MAST4: variants seen among roughly 807,000 people sequenced by gnomAD.
MAST4 encodes the protein microtubule associated serine/threonine kinase family member 4.
MAST4 carries 89 observed loss-of-function variants against 162.7 expected under a neutral mutation model. The observed-to-expected ratio is 0.55, with a 90% CI of 0.46 to 0.65. The LOEUF is 0.65. Ranked by LOEUF, MAST4 falls within the 30% of genes least tolerant of loss-of-function variation. The pLI, the probability that MAST4 is intolerant of heterozygous loss-of-function variation, is 0.00. For missense variants in MAST4, 3,153 were observed against 3,374.0 expected (o/e 0.93, Z 1.62); for synonymous variants, 1,479 against 1,361.1 (o/e 1.09, Z -1.91).
chr5:66,754,542 C>T (rs576443914), intron 1 of MAST4, among the ~76,000 whole-genome samples: 44 of 152,134 alleles, frequency 2.9e-4, no homozygotes, highest in African/African-American at 9.4e-4. Flanking sequence ...CATGTGTTTT[C>T]TATTTTTTTC....
At chr5:66,783,175 A>G (rs1754956323) in intron 2 of MAST4, among the ~76,000 whole-genome samples, 1 of 152,214 alleles carries the variant, frequency 6.6e-6, no homozygotes. Flanking sequence ...TAGGCATTTC[A>G]TTGTATATGT....
chr5:67,019,274 G>T (rs186219161), intron 4 of MAST4, among the ~76,000 whole-genome samples: 33 of 152,310 alleles, frequency 2.2e-4, no homozygotes, highest in Non-Finnish European at 1.0e-4. Flanking sequence ...GTCCACAGCC[G>T]GCTTCCTGGT....
intron 4 of MAST4, among the ~76,000 whole-genome samples, chr5:66,907,179 G>A (rs1489669925): frequency 6.9e-6 from 1 of 144,462 alleles, no homozygotes; most frequent in African/African-American, 2.7e-5. Context: ...GAGAGAGAGA[G>A]AGAGAGAGAG....
At chr5:66,824,810 G>A (rs1757164188) in intron 3 of MAST4, among the ~76,000 whole-genome samples, 1 of 152,158 alleles carries the variant, frequency 6.6e-6, no homozygotes, top group Admixed American at 6.5e-5. Flanking sequence ...GTAGTCATTT[G>A]CAACACAATG....
In MAST4 at chr5:67,090,232, G is replaced by A; in HGVS notation, c.833+1G>A. On this transcript the variant is annotated splice_donor_variant, in intron 6 of 28. Transcript: ENST00000403625. LOFTEE classifies it high-confidence loss of function. ...CAGCCCATTTTTCATTTGCACGGAG[G>A]TAAGGACTTTTTGTGAGTGGAGGCA... The A allele has an allele frequency of 1.2e-6, 2 of 1,610,922 alleles. No individual in the cohort carries two copies. The highest frequency in any genetic ancestry group is 1.7e-6 in the Non-Finnish European group (2 of 1,177,852).
At chr5:66,622,502 T>C (rs944198624) in intron 1 of MAST4, among the ~76,000 whole-genome samples, 3 of 152,016 alleles carry the variant, frequency 2.0e-5, no homozygotes, top group Non-Finnish European at 2.9e-5. Flanking sequence ...GATCTAATTT[T>C]TAACAGGCTC....
Position 66,824,251 on chromosome 5 carries a change from G to C in MAST4, c.642+35457G>C, listed in dbSNP as rs62361305. Among the ~76,000 whole-genome samples the C allele has an allele frequency of 3.6e-3, 553 of 152,294 alleles. 4 individuals are homozygous for C. The highest frequency in any genetic ancestry group is 6.7e-3 in the Admixed American group (102 of 15,294). On this transcript the variant is annotated intron_variant, in intron 3 of 28. Coordinates refer to ENST00000403625, the MANE Select transcript of MAST4 (RefSeq NM_001164664.2). ...GAGAGATCCCACCCCAGATTGTACT[G>C]ATGGTATTGGAAATCACATTCCTAG...
At chr5:66,713,240 G>A (rs1474362782) in intron 1 of MAST4, among the ~76,000 whole-genome samples, 2 of 152,156 alleles carry the variant, frequency 1.3e-5, no homozygotes, top group Admixed American at 6.5e-5. Context: ...GGGGCACACA[G>A]CCCACCTGGA....
chr5:67,151,645 T>C (rs954990888), intron 24 of MAST4, among the ~76,000 whole-genome samples: 7 of 152,284 alleles, frequency 4.6e-5, no homozygotes, highest in Admixed American at 6.5e-5. Flanking sequence ...TTATTAGAAT[T>C]GCAAGTAATA....
rs56370883 is a variant in MAST4, at chr5:67,166,020, C to T, written c.6841C>T (p.Pro2281Ser). The part of the protein sequence containing the change: ...PSVPLHTDRA[P>S]LDAKPQPTSG... ...TGTCCCACTGCACACTGACAGGGCT[C>T]CTCTAGACGCCAAGCCACAACCCAC... Residue 2281 changes from proline (P) to serine (S), a missense_variant, in exon 29 of 29, where the codon CCT (proline) becomes TCT (serine). Coordinates refer to ENST00000403625, the MANE Select transcript of MAST4 (RefSeq NM_001164664.2). 2.5e-5 allele frequency: 40 copies of T among 1,613,622 alleles called. No homozygotes were observed. The East Asian group carries it at 7.8e-4, about 31-fold the overall frequency.
chr5:66,779,591 G>A (rs1266289221), intron 2 of MAST4, among the ~76,000 whole-genome samples: 1 of 152,112 alleles, frequency 6.6e-6, no homozygotes, highest in Non-Finnish European at 1.5e-5. Flanking sequence ...GAAATTGGAA[G>A]TCAGTCACCC....
intron 12 of MAST4, 150 bp downstream of exon 12, chr5:67,114,369 A>C: frequency 1.1e-6 from 1 of 937,982 alleles, no homozygotes; most frequent in Non-Finnish European, 1.5e-6. Context: ...ATTTGAAGGA[A>C]ATAGCCATAA....
intron 4 of MAST4, among the ~76,000 whole-genome samples, chr5:67,007,835 C>G (rs372609827): frequency 6.6e-6 from 1 of 152,260 alleles, no homozygotes; most frequent in East Asian, 1.9e-4. Context: ...TTTCTTAAAA[C>G]CTACAGCCCT....
At chr5:67,044,978 T>G (rs928976879) in intron 4 of MAST4, among the ~76,000 whole-genome samples, 2 of 152,216 alleles carry the variant, frequency 1.3e-5, no homozygotes, top group Non-Finnish European at 2.9e-5. Flanking sequence ...CTCTTTGTGT[T>G]TTCTTAGCTA....
chr5:67,166,226 A>G lies in MAST4; in HGVS notation c.7047A>G (p.Thr2349=), dbSNP rs371971877. Residue 2349 remains threonine, a synonymous_variant, in exon 29 of 29, where the codon ACA becomes ACG. Coordinates refer to ENST00000403625, the MANE Select transcript of MAST4 (RefSeq NM_001164664.2). ...ATTGCCCCACCCTGTGCAAACAGAC[A>G]GACAACAGACAGACAGACAAAAGCC... The part of the protein sequence containing the change: ...VKDCPTLCKQ[T]DNRQTDKSPS... The G allele has an allele frequency of 6.4e-7, 1 of 1,551,808 alleles. No homozygotes were observed. Among genetic ancestry groups the G allele is most frequent in the Non-Finnish European group, 8.7e-7 (1 of 1,147,340 alleles).
At chr5:66,848,714 CTATT>C (rs1759075148) in intron 3 of MAST4, among the ~76,000 whole-genome samples, 1 of 152,150 alleles carries the variant, frequency 6.6e-6, no homozygotes, top group African/African-American at 2.4e-5. Context: ...TTAAAATTCT[CTATT>C]TCTTTTCCTT....
At chr5:66,875,706 G>A (rs1165962827) in intron 3 of MAST4, among the ~76,000 whole-genome samples, 3 of 152,158 alleles carry the variant, frequency 2.0e-5, no homozygotes, top group Non-Finnish European at 4.4e-5. Flanking sequence ...CCACATGATT[G>A]TTGAGGTAAA....
intron 4 of MAST4, among the ~76,000 whole-genome samples, chr5:66,989,604 C>T (rs1450242343): frequency 6.6e-6 from 1 of 152,178 alleles, no homozygotes; most frequent in Non-Finnish European, 1.5e-5. Flanking sequence ...TTTTTCCCCA[C>T]TGACATTTTG....
chr5:66,673,334 G>A (rs60613433), intron 1 of MAST4, among the ~76,000 whole-genome samples: 16,507 of 151,802 alleles, frequency 0.11, 1,003 homozygotes, highest in East Asian at 0.27. Context: ...TTTTTTTGCG[G>A]ATTCTTAGCC....
Sources: gnomAD v4.1 joint callset for allele counts (sites outside exome capture counted in the v4.1 genomes callset) on GRCh38, gnomAD v4.1.1 for gene constraint, MANE v1.5 for transcripts, NCBI Gene and HGNC (gene_info 2026-07-23, HGNC 2026-07-21) for gene names.